Variants in PDHX observed in about 807,000 individuals in gnomAD.
PDHX encodes the protein pyruvate dehydrogenase complex component X.
Under a neutral mutation model 55.3 loss-of-function variants are expected in PDHX, and 33 were observed. The observed-to-expected ratio is 0.60, with a 90% CI of 0.45 to 0.80. The LOEUF is 0.80. Among genes scored for constraint, PDHX ranks in the 30% least tolerant of loss-of-function variants. The pLI is 0.00. For synonymous variants in PDHX, 226 were observed against 219.4 expected, an observed-to-expected ratio of 1.03 and a Z score of -0.27; for missense variants, 622 against 619.9, an observed-to-expected ratio of 1.00 and a Z score of -0.04.
intron 5 of PDHX, among the ~76,000 whole-genome samples, chr11:34,963,397 A>G (rs1855061802): frequency 1.3e-5 from 2 of 151,930 alleles, no homozygotes; most frequent in South Asian, 4.2e-4. Flanking sequence ...TATCACCTCA[A>G]CCTCCCAAAT....
intron 9 of PDHX, among the ~76,000 whole-genome samples, chr11:34,986,965 C>T (rs1471132959): frequency 6.6e-6 from 1 of 152,180 alleles, no homozygotes; most frequent in Non-Finnish European, 1.5e-5. Context: ...CCTATTAACC[C>T]AGTACAATTG....
chr11:34,954,548 C>T (rs1384730541), intron 3 of PDHX, among the ~76,000 whole-genome samples: 1 of 152,156 alleles, frequency 6.6e-6, no homozygotes, highest in Non-Finnish European at 1.5e-5. Flanking sequence ...TACCCATTAT[C>T]GTATATGTTG....
rs184822664 is a variant in PDHX, at chr11:34,968,413, C to T, written c.816+1599C>T. Among the ~76,000 whole-genome samples the T allele has an allele frequency of 1.9e-3, 285 of 152,024 alleles. 2 individuals are homozygous for T. Among genetic ancestry groups the T allele is most frequent in the African/African-American group, 6.5e-3 (268 of 41,446 alleles). ...TGATATTTGTAAAAATGAAATCAGC[C>T]GCACTTTCATTTGCTTTGTATTATC... On this transcript the variant is annotated intron_variant, in intron 6 of 10. Transcript: ENST00000227868.
intron 2 of PDHX, among the ~76,000 whole-genome samples, chr11:34,939,180 A>G (rs953986948): frequency 2.0e-5 from 3 of 152,184 alleles, no homozygotes; most frequent in African/African-American, 7.2e-5. Flanking sequence ...TTCTGACAGC[A>G]TACTTTTCAT....
chr11:34,916,351 G>A, upstream of PDHX: 1 of 1,590,792 alleles, frequency 6.3e-7, no homozygotes, highest in Non-Finnish European at 8.6e-7. Context: ...CTTAGCCTGG[G>A]ATACGGCAGC....
intron 8 of PDHX, among the ~76,000 whole-genome samples, chr11:34,981,502 T>C (rs1259712676): frequency 6.6e-6 from 1 of 152,230 alleles, no homozygotes; most frequent in Non-Finnish European, 1.5e-5. Context: ...TTATAATCTT[T>C]TGGGTATATA....
chr11:34,933,189 C>G (rs1854219468), intron 2 of PDHX, among the ~76,000 whole-genome samples: 1 of 152,084 alleles, frequency 6.6e-6, no homozygotes, highest in African/African-American at 2.4e-5. Context: ...AATTTTAAAA[C>G]AAAATTAAAG....
intron 2 of PDHX, among the ~76,000 whole-genome samples, chr11:34,944,366 C>T (rs1276486349): frequency 1.3e-5 from 2 of 152,032 alleles, no homozygotes; most frequent in African/African-American, 4.8e-5. Flanking sequence ...GTGATCCACC[C>T]ACCTCGGCCT....
intron 8 of PDHX, among the ~76,000 whole-genome samples, chr11:34,980,026 T>C (rs953639475): frequency 4.0e-5 from 6 of 151,304 alleles, no homozygotes; most frequent in Admixed American, 1.3e-4. Flanking sequence ...TTTTTTTTTT[T>C]CTTTCACCAT....
chr11:34,989,865 T>A (rs1356837303), intron 9 of PDHX, among the ~76,000 whole-genome samples: 6 of 152,234 alleles, frequency 3.9e-5, no homozygotes, highest in Non-Finnish European at 5.9e-5. Context: ...TTGCCATTTA[T>A]CTAATTCTAG....
intron 2 of PDHX, among the ~76,000 whole-genome samples, chr11:34,935,115 G>A (rs1854278777): frequency 1.3e-5 from 2 of 151,938 alleles, no homozygotes; most frequent in South Asian, 2.1e-4. Context: ...AAAGGTATAT[G>A]TGGCTTCATT....
intron 8 of PDHX, 27 bp from the exon 9 acceptor site, chr11:34,984,543 G>A (rs1197660217): frequency 6.2e-7 from 1 of 1,611,350 alleles, no homozygotes; most frequent in Non-Finnish European, 8.5e-7. Flanking sequence ...TGCTTTTTTA[G>A]TAACATTTTT....
intron 8 of PDHX, among the ~76,000 whole-genome samples, chr11:34,982,306 G>T (rs1039832341): frequency 6.6e-6 from 1 of 152,028 alleles, no homozygotes; most frequent in African/African-American, 2.4e-5. Flanking sequence ...AAGATCAGAT[G>T]GTTGTAGATA....
At chr11:34,970,401 A>G (rs1855232722) in intron 7 of PDHX, 115 bp downstream of exon 7, 7 of 870,740 alleles carry the variant, frequency 8.0e-6, no homozygotes, top group Non-Finnish European at 9.2e-6. Context: ...TTTCAATTTC[A>G]TAATGTACTT....
At chr11:34,934,992 A>G (rs1481549002) in intron 2 of PDHX, among the ~76,000 whole-genome samples, 3 of 152,066 alleles carry the variant, frequency 2.0e-5, no homozygotes, top group Non-Finnish European at 4.4e-5. Flanking sequence ...ATAAAATGAC[A>G]GTATCTCTGG....
upstream of PDHX, chr11:34,916,034 C>G (rs892579997): frequency 1.4e-6 from 1 of 695,874 alleles, no homozygotes; most frequent in African/African-American, 1.9e-5. Context: ...CCCGAGACCA[C>G]TGATCTCCTG....
intron 8 of PDHX, among the ~76,000 whole-genome samples, 197 bp downstream of exon 8, chr11:34,978,379 C>G (rs529475834): frequency 6.6e-6 from 1 of 152,142 alleles, no homozygotes; most frequent in East Asian, 1.9e-4. Flanking sequence ...TGAATTAGAG[C>G]AGGATGAAAA....
At chr11:34,990,515 T>C (rs960054525) in intron 9 of PDHX, among the ~76,000 whole-genome samples, 1 of 152,212 alleles carries the variant, frequency 6.6e-6, no homozygotes, top group Non-Finnish European at 1.5e-5. Flanking sequence ...AGTGAGTTTT[T>C]TTCATTTGTG....
intron 2 of PDHX, among the ~76,000 whole-genome samples, chr11:34,932,451 A>G (rs974279469): frequency 3.9e-5 from 6 of 152,170 alleles, no homozygotes; most frequent in African/African-American, 4.8e-5. Context: ...CAGAAAAATA[A>G]TTGCAAATGA....
Sources: gnomAD v4.1 joint callset for allele counts (sites outside exome capture counted in the v4.1 genomes callset) on GRCh38, gnomAD v4.1.1 for gene constraint, MANE v1.5 for transcripts, NCBI Gene and HGNC (gene_info 2026-07-23, HGNC 2026-07-21) for gene names.